APBA2: variants seen among roughly 807,000 people sequenced by gnomAD.
The protein encoded by APBA2 is amyloid beta precursor protein binding family A member 2.
A neutral mutation model predicts 75.0 loss-of-function variants in APBA2; 30 were observed. That is an observed-to-expected ratio of 0.40 (90% CI 0.30 to 0.54). The LOEUF is 0.54. APBA2 is among the 20% of genes least tolerant of loss of function. The pLI, the probability that APBA2 is intolerant of heterozygous loss-of-function variation, is 0.49. For missense variants in APBA2, 801 were observed against 1,016.1 expected (o/e 0.79, Z 2.88); for synonymous variants, 444 against 409.6 (o/e 1.08, Z -1.01).
rs149792305 is a variant in APBA2, at chr15:29,053,918, G to A, written c.34G>A (p.Gly12Ser). The change falls in exon 4 of 15, where the codon GGC (glycine) becomes AGC (serine). Residue 12 changes from glycine (G) to serine (S), a missense_variant. Gly to Ser is a moderately conservative substitution (Grantham distance 56). Around this residue, in one of 2 missense-constraint regions of APBA2, gnomAD observed 434 missense variants for 471.6 expected, o/e 0.92. Coordinates refer to ENST00000683413, the MANE Select transcript of APBA2 (RefSeq NM_001353788.2). ...CCGGAAGCTTGAGAGCGTGGGGAGCGGCATGTTGGACCATAGGGTGAGACC... is the reference window on the plus strand; with the variant it reads ...CCGGAAGCTTGAGAGCGTGGGGAGCAGCATGTTGGACCATAGGGTGAGACC... ...AHRKLESVGS[G>S]MLDHRVRPGP... 2.0e-4 allele frequency: 324 copies of A among 1,613,174 alleles called. No individual in the cohort carries two copies. The highest frequency in any genetic ancestry group is 1.6e-3 in the East Asian group (71 of 44,816).
At chr15:28,998,429 A>G (rs1398566049) in intron 3 of APBA2, among the ~76,000 whole-genome samples, 1 of 152,192 alleles carries the variant, frequency 6.6e-6, no homozygotes, top group Non-Finnish European at 1.5e-5. Context: ...CTGATGTGAT[A>G]CTAGCATGTA....
intron 3 of APBA2, among the ~76,000 whole-genome samples, chr15:29,013,808 G>C (rs1454514612): frequency 2.6e-5 from 4 of 152,150 alleles, no homozygotes; most frequent in African/African-American, 4.8e-5. Context: ...TTTCTAGTTA[G>C]GCCTTAAAGA....
intron 1 of APBA2, among the ~76,000 whole-genome samples, chr15:28,891,538 A>G (rs772667537): frequency 1.2e-4 from 19 of 152,196 alleles, no homozygotes; most frequent in Non-Finnish European, 2.5e-4. Flanking sequence ...GGCCCTTCAC[A>G]GGGATGGGGA....
At chr15:28,913,653 G>A (rs1307243256) in intron 1 of APBA2, among the ~76,000 whole-genome samples, 1 of 152,224 alleles carries the variant, frequency 6.6e-6, no homozygotes, top group Admixed American at 6.5e-5. Flanking sequence ...ATGTGCTGGT[G>A]CTGGCTTAGG....
At position 29,045,069 on chromosome 15, in the gene APBA2, T is replaced by TTCTCTCTCTCTCTCTCTCTCTC. The variant is rs1555399868; in HGVS notation, c.-40-8763_-40-8742dup. Among the ~76,000 whole-genome samples, 4 of 82,888 alleles carry TTCTCTCTCTCTCTCTCTCTCTC rather than the reference T, an allele frequency of 4.8e-5. 1 individual carries two copies. Among genetic ancestry groups the TTCTCTCTCTCTCTCTCTCTCTC allele is most frequent in the African/African-American group, 4.6e-4 (4 of 8,660 alleles). The allele number at this position is 82,888 out of a possible 152,430, so 54.4% of individuals were successfully genotyped here. On this transcript the variant is annotated intron_variant, in intron 3 of 14. Transcript: ENST00000683413. ...CCTTCCTCTCTCCCTCCCTCCCTCC[T>TTCTCTCTCTCTCTCTCTCTCTC]TCTCTCTCTCTCTCTCTCTCTCTCT... is the stretch of plus-strand genomic sequence containing the variant.
chr15:29,097,202 C>G lies in APBA2; in HGVS notation c.1252-1288C>G, dbSNP rs376001529. ...TTTCATTCAGCTTCTCTGACAATGTCTTCCCCATTTCTTAAGGATACTTAG... is the reference window on the plus strand; with the variant it reads ...TTTCATTCAGCTTCTCTGACAATGTGTTCCCCATTTCTTAAGGATACTTAG... On this transcript the variant is annotated intron_variant, in intron 8 of 14. Coordinates refer to ENST00000683413, the MANE Select transcript of APBA2 (RefSeq NM_001353788.2). 5.2e-5 allele frequency among the ~76,000 whole-genome samples: 8 copies of G among 152,382 alleles called. No individual in the cohort carries two copies. In the East Asian group the frequency reaches 1.4e-3, roughly 26 times the overall value.
intron 2 of APBA2, among the ~76,000 whole-genome samples, chr15:28,981,937 T>C (rs1364672862): frequency 1.3e-5 from 2 of 152,140 alleles, no homozygotes; most frequent in East Asian, 3.9e-4. Flanking sequence ...TTCTCACTTA[T>C]AAGTGGGAGT....
intron 1 of APBA2, among the ~76,000 whole-genome samples, chr15:28,886,676 C>T (rs2031752903): frequency 6.6e-6 from 1 of 152,174 alleles, no homozygotes; most frequent in Non-Finnish European, 1.5e-5. Context: ...AGTCCCCGTG[C>T]CGGGCGGCAA....
chr15:29,022,495 A>G (rs933810022), intron 3 of APBA2, among the ~76,000 whole-genome samples: 2 of 139,982 alleles, frequency 1.4e-5, no homozygotes, highest in Non-Finnish European at 3.0e-5. Context: ...ATTTTTGTGA[A>G]TAGCGTAACT....
At chr15:29,053,638 G>T (rs1008488745) in intron 3 of APBA2, among the ~76,000 whole-genome samples, 2 of 152,048 alleles carry the variant, frequency 1.3e-5, no homozygotes, top group Non-Finnish European at 2.9e-5. Context: ...TTTTCCCGGA[G>T]CTCTGTGTGC....
At chr15:29,027,302 T>C (rs1185897867) in intron 3 of APBA2, among the ~76,000 whole-genome samples, 1 of 152,224 alleles carries the variant, frequency 6.6e-6, no homozygotes, top group East Asian at 1.9e-4. Flanking sequence ...TACCTTGTTA[T>C]TTTAAAATAT....
intron 13 of APBA2, among the ~76,000 whole-genome samples, chr15:29,113,355 G>GGT (rs369436466): frequency 6.6e-6 from 1 of 152,198 alleles, no homozygotes; most frequent in East Asian, 1.9e-4. Flanking sequence ...ACTTGGCGGG[G>GGT]GGGGGATGTA....
intron 6 of APBA2, among the ~76,000 whole-genome samples, chr15:29,091,182 G>T (rs2043552083): frequency 1.3e-5 from 2 of 152,172 alleles, no homozygotes; most frequent in South Asian, 4.1e-4. Context: ...CTGGGAGAAG[G>T]TTTATCGGCT....
At chr15:29,065,112 C>T (rs1176054039) in intron 4 of APBA2, among the ~76,000 whole-genome samples, 1 of 152,014 alleles carries the variant, frequency 6.6e-6, no homozygotes, top group Non-Finnish European at 1.5e-5. Context: ...GGAGTGAGAG[C>T]ATTGGGTATG....
At chr15:28,940,963 C>G (rs979467176) in intron 2 of APBA2, among the ~76,000 whole-genome samples, 3 of 152,082 alleles carry the variant, frequency 2.0e-5, no homozygotes, top group Non-Finnish European at 4.4e-5. Context: ...CAGAGATGGA[C>G]AATTTGAACA....
intron 2 of APBA2, among the ~76,000 whole-genome samples, chr15:28,953,152 G>A (rs981804706): frequency 2.6e-5 from 4 of 152,108 alleles, no homozygotes; most frequent in Admixed American, 2.0e-4. Context: ...ATGGCTGGTT[G>A]AGACTCCCAC....
chr15:29,094,232 T>C (rs1366480566), intron 7 of APBA2, 46 bp from the exon 8 acceptor site: 1 of 1,607,624 alleles, frequency 6.2e-7, no homozygotes, highest in Non-Finnish European at 8.5e-7. Flanking sequence ...CGCACCTTCC[T>C]TCTCTCTGTG....
At chr15:29,022,606 A>T (rs7162791) in intron 3 of APBA2, among the ~76,000 whole-genome samples, 54,946 of 151,822 alleles carry the variant, frequency 0.36, 16,193 homozygotes, top group African/African-American at 0.79. Context: ...ATGGTAAATC[A>T]TTATAGATGA....
At chr15:29,034,903 T>C (rs904279905) in intron 3 of APBA2, among the ~76,000 whole-genome samples, 4 of 152,234 alleles carry the variant, frequency 2.6e-5, no homozygotes, top group African/African-American at 9.6e-5. Context: ...GAATAGACTC[T>C]GTGGTGGGTG....
Sources: allele counts gnomAD v4.1 joint callset (sites outside exome capture counted in the v4.1 genomes callset), GRCh38; gene constraint gnomAD v4.1.1; regional missense constraint gnomAD v4.1.1; transcripts MANE v1.5; gene names NCBI Gene and HGNC (gene_info 2026-07-23, HGNC 2026-07-21).